PAPPA: variants seen among roughly 807,000 people sequenced by gnomAD.
PAPPA encodes the protein pappalysin 1.
A neutral mutation model predicts 164.0 loss-of-function variants in PAPPA; 60 were observed. That is an observed-to-expected ratio of 0.37 (90% CI 0.30 to 0.45). PAPPA has a LOEUF of 0.45. Among genes scored for constraint, PAPPA ranks in the 20% least tolerant of loss-of-function variants. The pLI is 1.00. For missense variants in PAPPA, 1,782 were observed against 2,087.3 expected (o/e 0.85, Z 2.85); for synonymous variants, 875 against 814.1 (o/e 1.07, Z -1.27).
intron 1 of PAPPA, among the ~76,000 whole-genome samples, chr9:116,173,644 C>T (rs186453244): frequency 1.3e-5 from 2 of 152,304 alleles, no homozygotes; most frequent in Admixed American, 1.3e-4. Context: ...AAATATCTTT[C>T]TCATCTCGAG....
chr9:116,162,398 A>G (rs974087258), intron 1 of PAPPA, among the ~76,000 whole-genome samples: 1 of 152,084 alleles, frequency 6.6e-6, no homozygotes, highest in Admixed American at 6.5e-5. Context: ...ATTTCTCTCC[A>G]TCCCTAACTA....
Position 116,319,940 on chromosome 9 carries a change from A to AAG in PAPPA, c.3148-11304_3148-11303insAG, listed in dbSNP as rs1845833426. ...TTACCACTTTCATGAATGGTGTCTT[A>AAG]GGCCTCTAACATAAGCTTTTCCCTT... On this transcript the variant is annotated intron_variant, in intron 10 of 21. Coordinates refer to ENST00000328252, the MANE Select transcript of PAPPA (RefSeq NM_002581.5). Among the ~76,000 whole-genome samples the AAG allele has an allele frequency of 1.1e-4, 16 of 152,354 alleles. No homozygotes were observed. The South Asian group carries it at 3.1e-3, about 30-fold the overall frequency.
intron 5 of PAPPA, among the ~76,000 whole-genome samples, chr9:116,227,189 A>G (rs995507982): frequency 4.6e-5 from 7 of 152,224 alleles, no homozygotes; most frequent in Non-Finnish European, 1.0e-4. Context: ...TGCTGCTAAA[A>G]GTCAGAGAAA....
rs1846979813 is a variant in PAPPA at position 116,397,420 on chromosome 9, T to C, written c.*804T>C. 1 of 152,776 alleles carries C rather than the reference T, an allele frequency of 6.5e-6. No individual in the cohort carries two copies. Among genetic ancestry groups the C allele is most frequent in the African/African-American group, 2.4e-5 (1 of 41,462 alleles). The allele number at this position is 152,776 out of a possible 1,614,324, so 9.5% of individuals were successfully genotyped here. A position where few individuals can be genotyped will look rare whatever the true frequency, so the allele number is the denominator to read the frequency against. On this transcript the variant is annotated 3_prime_UTR_variant, in exon 22 of 22. Transcript: ENST00000328252. ...TAATATCCCTCTAGGACTTACCTGT[T>C]CCCCCAGATCTTGCCTTGGGACCAC... is the stretch of plus-strand genomic sequence containing the variant.
chr9:116,203,413 G>C (rs1359963125), intron 2 of PAPPA, among the ~76,000 whole-genome samples: 1 of 152,100 alleles, frequency 6.6e-6, no homozygotes, highest in African/African-American at 2.4e-5. Context: ...GTGATACGGA[G>C]ATAATAAAGA....
At chr9:116,214,577 A>G (rs748307265) in intron 4 of PAPPA, among the ~76,000 whole-genome samples, 6 of 152,184 alleles carry the variant, frequency 3.9e-5, no homozygotes, top group African/African-American at 7.2e-5. Context: ...AGCAGGCACC[A>G]GGCAGTTGAT....
intron 6 of PAPPA, among the ~76,000 whole-genome samples, chr9:116,228,476 A>C (rs945275320): frequency 1.3e-5 from 2 of 152,190 alleles, no homozygotes; most frequent in East Asian, 1.9e-4. Context: ...GCTATCCTCT[A>C]TATTTTTAGA....
intron 10 of PAPPA, among the ~76,000 whole-genome samples, chr9:116,312,516 T>C (rs988603586): frequency 1.3e-5 from 2 of 152,162 alleles, no homozygotes; most frequent in Admixed American, 1.3e-4. Flanking sequence ...TAAAACCACA[T>C]ACTCATTTCT....
At chr9:116,364,707 G>A (rs765672868) in intron 18 of PAPPA, among the ~76,000 whole-genome samples, 4 of 152,104 alleles carry the variant, frequency 2.6e-5, no homozygotes, top group Non-Finnish European at 4.4e-5. Flanking sequence ...TCAACTGTAC[G>A]CAAATGAGTA....
intron 18 of PAPPA, 36 bp from the exon 19 acceptor site, chr9:116,367,609 G>C: frequency 1.3e-6 from 2 of 1,506,756 alleles, no homozygotes; most frequent in Non-Finnish European, 1.8e-6. Context: ...TGAGGGTCTC[G>C]GGCCTGAGCT....
chr9:116,164,322 TG>T (rs1268979132), intron 1 of PAPPA, among the ~76,000 whole-genome samples: 1 of 152,234 alleles, frequency 6.6e-6, no homozygotes, highest in African/African-American at 2.4e-5. Context: ...TTATTTGCTT[TG>T]ACCACTTGGA....
At chr9:116,219,717 C>A (rs1190531159) in intron 4 of PAPPA, among the ~76,000 whole-genome samples, 1 of 152,146 alleles carries the variant, frequency 6.6e-6, no homozygotes, top group Non-Finnish European at 1.5e-5. Context: ...TTACATCCAC[C>A]CTTCCCTCCC....
chr9:116,337,741 T>A (rs1434260582), intron 13 of PAPPA, among the ~76,000 whole-genome samples: 1 of 151,838 alleles, frequency 6.6e-6, no homozygotes. Flanking sequence ...TTTCTCTTCC[T>A]CATTTTCTGT....
rs181765731 is a variant in PAPPA at position 116,161,758 on chromosome 9, A to C, written c.415+7171A>C. Among the ~76,000 whole-genome samples, 1,088 of 152,118 alleles carry C rather than the reference A, an allele frequency of 7.2e-3. 56 individuals are homozygous for C. The highest frequency in any genetic ancestry group is 1.2e-3 in the Non-Finnish European group (79 of 68,028). Reference sequence around the variant, plus strand: ...GGGTAGTGGTTGGTGAGAGATTAGCAAACTGATAACAATTGTTGAAACCAA... The same window carrying C: ...GGGTAGTGGTTGGTGAGAGATTAGCCAACTGATAACAATTGTTGAAACCAA... On this transcript the variant is annotated intron_variant, in intron 1 of 21. Transcript: ENST00000328252.
chr9:116,176,900 C>T (rs932449883), intron 1 of PAPPA, among the ~76,000 whole-genome samples: 1 of 151,774 alleles, frequency 6.6e-6, no homozygotes, highest in African/African-American at 2.4e-5. Context: ...AGGGAAGCTT[C>T]CTTTACTTCT....
chr9:116,332,298 G>T (rs774300862), intron 11 of PAPPA, 35 bp from the exon 12 acceptor site: 9 of 1,596,674 alleles, frequency 5.6e-6, no homozygotes, highest in Non-Finnish European at 7.7e-6. Flanking sequence ...ATGACTGAGT[G>T]CACATGTGAC....
chr9:116,193,152 T>G (rs1172055974), intron 2 of PAPPA, among the ~76,000 whole-genome samples: 1 of 152,108 alleles, frequency 6.6e-6, no homozygotes, highest in African/African-American at 2.4e-5. Flanking sequence ...TTTTTTTGAA[T>G]GTAACAAGGA....
chr9:116,351,051 T>G (rs1371640628), intron 15 of PAPPA, among the ~76,000 whole-genome samples: 1 of 152,158 alleles, frequency 6.6e-6, no homozygotes, highest in Admixed American at 6.5e-5. Context: ...GCAAAGTACT[T>G]TCTCCCCTTT....
intron 4 of PAPPA, among the ~76,000 whole-genome samples, chr9:116,213,945 C>T (rs572442526): frequency 1.3e-5 from 2 of 152,292 alleles, no homozygotes; most frequent in East Asian, 3.9e-4. Context: ...TGCATGGGAG[C>T]TCTCTCCATC....
Sources: allele counts gnomAD v4.1 joint callset (sites outside exome capture counted in the v4.1 genomes callset), GRCh38; gene constraint gnomAD v4.1.1; transcripts MANE v1.5; gene names NCBI Gene and HGNC (gene_info 2026-07-23, HGNC 2026-07-21).